Variants in ARHGAP39 observed in about 807,000 individuals in gnomAD.
The protein encoded by ARHGAP39 is Rho GTPase activating protein 39, also known as rho GTPase-activating protein 39.
A neutral mutation model predicts 106.9 loss-of-function variants in ARHGAP39; 44 were observed. The ratio of observed to expected loss-of-function variants is 0.41; its 90% CI spans 0.32 to 0.53. The LOEUF is 0.53. Among genes scored for constraint, ARHGAP39 ranks in the 20% least tolerant of loss-of-function variants. ARHGAP39 has a pLI of 0.21. For synonymous variants in ARHGAP39, 768 were observed against 693.2 expected (o/e 1.11, Z -1.69); for missense variants, 1,496 against 1,577.3 (o/e 0.95, Z 0.87).
At position 144,646,378 on chromosome 8, in the gene ARHGAP39, C is replaced by T. The variant is rs1821444371; in HGVS notation, c.-82+39308G>A. Among the ~76,000 whole-genome samples the T allele has an allele frequency of 2.6e-5, 4 of 152,138 alleles. No homozygotes were observed. Among genetic ancestry groups the T allele is most frequent in the Admixed American group, 6.5e-5 (1 of 15,268 alleles). On this transcript the variant is annotated intron_variant, in intron 1 of 11. Coordinates refer to ENST00000377307, the MANE Select transcript of ARHGAP39 (RefSeq NM_025251.3). This position sits in a 1 kb window ranked among gnomAD's most constrained non-coding sequence, Gnocchi z 5.7. The stretch of plus-strand genomic sequence containing the variant: ...AGCGGGAGGGGAGGGAGTGAAACTT[C>T]GTAGCACATGCCTTCTTGGCTTCTG...
At chr8:144,599,584 C>T (rs757688633) in intron 2 of ARHGAP39, among the ~76,000 whole-genome samples, 26 of 152,068 alleles carry the variant, frequency 1.7e-4, no homozygotes, top group Non-Finnish European at 3.2e-4. Context: ...TGCCTGTGTA[C>T]GGTTGGGGCT....
chr8:144,577,328 C>A (rs925468952), intron 3 of ARHGAP39, among the ~76,000 whole-genome samples: 2 of 152,130 alleles, frequency 1.3e-5, no homozygotes, highest in African/African-American at 2.4e-5. Flanking sequence ...GACAGATAGA[C>A]TGAAGGAGAG....
At chr8:144,597,670 A>G (rs1819673327) in intron 2 of ARHGAP39, among the ~76,000 whole-genome samples, 1 of 152,194 alleles carries the variant, frequency 6.6e-6, no homozygotes, top group African/African-American at 2.4e-5. Context: ...GTCTGATCAA[A>G]TGGGAAAGGC....
At chr8:144,656,568 T>C (rs1821703535) in intron 1 of ARHGAP39, among the ~76,000 whole-genome samples, 1 of 151,974 alleles carries the variant, frequency 6.6e-6, no homozygotes, top group African/African-American at 2.4e-5. Context: ...TCTGGGAGGC[T>C]GTGGTGGGCG....
At chr8:144,534,303 G>A in intron 7 of ARHGAP39, 101 bp from the exon 8 acceptor site, 1 of 1,366,442 alleles carries the variant, frequency 7.3e-7, no homozygotes, top group Non-Finnish European at 1.0e-6. Flanking sequence ...CTGGGGGGCT[G>A]GGCTGGCCTT....
At chr8:144,580,708 A>G in intron 3 of ARHGAP39, 138 bp downstream of exon 3, 1 of 848,684 alleles carries the variant, frequency 1.2e-6, no homozygotes, top group Non-Finnish European at 1.5e-6. Context: ...TACCCGACCT[A>G]CTCCTAACCT....
chr8:144,614,662 T>G (rs1009530182), intron 1 of ARHGAP39, among the ~76,000 whole-genome samples: 3 of 152,214 alleles, frequency 2.0e-5, no homozygotes, highest in African/African-American at 7.2e-5. Flanking sequence ...CCGTTACTAT[T>G]CTTGAGCTTT....
intron 6 of ARHGAP39, among the ~76,000 whole-genome samples, chr8:144,539,968 C>T (rs1440720685): frequency 6.6e-6 from 1 of 152,180 alleles, no homozygotes; most frequent in African/African-American, 2.4e-5. Context: ...ATCTATGCGT[C>T]GATTTGGTAG....
intron 2 of ARHGAP39, among the ~76,000 whole-genome samples, chr8:144,589,101 AG>A (rs1413827473): frequency 6.6e-6 from 1 of 152,210 alleles, no homozygotes; most frequent in Non-Finnish European, 1.5e-5. Context: ...CATCAACTGC[AG>A]AAAGGCACCG....
chr8:144,592,600 G>A (rs183005019), intron 2 of ARHGAP39, among the ~76,000 whole-genome samples: 3,411 of 131,548 alleles, frequency 0.026, 172 homozygotes, highest in African/African-American at 0.096. Flanking sequence ...CCAGACCCTC[G>A]GGAAACCTGA....
intron 3 of ARHGAP39, among the ~76,000 whole-genome samples, chr8:144,559,688 C>T (rs193014080): frequency 4.6e-5 from 7 of 152,190 alleles, no homozygotes; most frequent in South Asian, 2.1e-4. Context: ...TGCTTGGGAT[C>T]GGAAGAGTTT....
chr8:144,620,847 A>G (rs1319397236), intron 1 of ARHGAP39, among the ~76,000 whole-genome samples: 4 of 152,212 alleles, frequency 2.6e-5, no homozygotes, highest in East Asian at 1.9e-4. Flanking sequence ...GGCCGTGAGG[A>G]CCGGCAGGAA....
At chr8:144,551,425 C>T (rs550593456) in intron 4 of ARHGAP39, among the ~76,000 whole-genome samples, 7 of 152,294 alleles carry the variant, frequency 4.6e-5, no homozygotes, top group African/African-American at 1.4e-4. Flanking sequence ...GGCACTGCCA[C>T]GTGTGTGTGC....
At position 144,685,249 on chromosome 8, in the gene ARHGAP39, GCACACT is replaced by G. The variant is rs564655011; in HGVS notation, c.-82+431_-82+436del. On this transcript the variant is annotated intron_variant, in intron 1 of 11. Transcript: ENST00000377307. Reference sequence around the variant, plus strand: ...ACACTCATACCCACCGTGGACAGGGGCACACTCACACTCACTCTGGACAGGGGCACA... The same window carrying G: ...ACACTCATACCCACCGTGGACAGGGGCACACTCACTCTGGACAGGGGCACA... Among the ~76,000 whole-genome samples the G allele has an allele frequency of 9.4e-4, 136 of 144,604 alleles. 2 individuals are homozygous for G. The highest frequency in any genetic ancestry group is 8.9e-3 in the Admixed American group (127 of 14,252). The allele number at this position is 144,604 out of a possible 152,430, so 94.9% of individuals were successfully genotyped here.
chr8:144,582,667 G>A (rs909708079), intron 2 of ARHGAP39, among the ~76,000 whole-genome samples: 5 of 152,210 alleles, frequency 3.3e-5, no homozygotes, highest in African/African-American at 1.2e-4. Flanking sequence ...GAAGGAGCTG[G>A]CTCAGGGGTC....
At chr8:144,692,563 A>G in the ARHGAP39 span, among the ~76,000 whole-genome samples, 1 of 152,140 alleles carries the variant, frequency 6.6e-6, no homozygotes, top group African/African-American at 2.4e-5. Context: ...GACCACTGAA[A>G]AAGGTGCTCA....
Position 144,547,599 on chromosome 8 carries a change from C to T in ARHGAP39, c.1487G>A (p.Ser496Asn), listed in dbSNP as rs758147352. ...GGCTTGGCACAAAGAGGGCTTTCTG[C>T]TCTTCCGCTTGCGCGTGCCCGGGGA... ...GYSPGTRKRK[S>N]RKPSLCQATS... The change falls in exon 5 of 12, where the codon AGC becomes AAC. Residue 496 changes from serine (S) to asparagine (N), a missense_variant. By Grantham distance (46) the Ser-to-Asn change is conservative (BLOSUM62 1). Around this residue, in one of 4 missense-constraint regions of ARHGAP39, gnomAD observed 905 missense variants for 816.4 expected, o/e 1.11. Coordinates refer to ENST00000377307, the MANE Select transcript of ARHGAP39 (RefSeq NM_025251.3). This position sits in a 1 kb window ranked among gnomAD's most constrained non-coding sequence, Gnocchi z 5.2. 90 of 1,480,402 alleles carry T rather than the reference C, an allele frequency of 6.1e-5. 4 individuals are homozygous for T. The Admixed American group carries it at 1.9e-3, about 31-fold the overall frequency. 91.7% of individuals were successfully genotyped at this position (1,480,402 alleles called of 1,614,324 possible).
At position 144,545,359 on chromosome 8, in the gene ARHGAP39, C is replaced by G; in HGVS notation, c.2411G>C (p.Gly804Ala). 2 of 1,599,384 alleles carry G rather than the reference C, an allele frequency of 1.3e-6. No individual in the cohort carries two copies. Among genetic ancestry groups the G allele is most frequent in the Non-Finnish European group, 1.7e-6 (2 of 1,170,454 alleles). Residue 804 changes from glycine (G) to alanine (A), a missense_variant, in exon 6 of 12, where the codon GGC (glycine) becomes GCC (alanine). Physicochemically the swap from Gly to Ala is moderately conservative, Grantham distance 60. This residue lies in a region of ARHGAP39 where 470 missense variants were observed against 605.1 expected (regional missense o/e 0.78). Transcript: ENST00000377307. ...CAGGCAGATGGCCATGAGCTCCCAGCCGCGGGCCAGGCTCTCCAGGCGGAA... is the reference window on the plus strand; with the variant it reads ...CAGGCAGATGGCCATGAGCTCCCAGGCGCGGGCCAGGCTCTCCAGGCGGAA... ...ENFRLESLAR[G>A]WELMAICLAF...
intron 1 of ARHGAP39, among the ~76,000 whole-genome samples, chr8:144,607,618 A>C (rs1820342659): frequency 6.6e-6 from 1 of 151,992 alleles, no homozygotes; most frequent in African/African-American, 2.4e-5. Flanking sequence ...GTGCTAATTC[A>C]AGGGGAAATA....
Sources: gnomAD v4.1 joint callset for allele counts (sites outside exome capture counted in the v4.1 genomes callset) on GRCh38, gnomAD v4.1.1 for gene constraint, gnomAD v4.1.1 regional missense constraint, Gnocchi (gnomAD v3.1) non-coding constraint, MANE v1.5 for transcripts, NCBI Gene and HGNC (gene_info 2026-07-23, HGNC 2026-07-21) for gene names.